ABTB2: variants seen among roughly 807,000 people sequenced by gnomAD.
ABTB2 encodes ankyrin repeat and BTB/POZ domain-containing protein 2.
Under a neutral mutation model 104.1 loss-of-function variants are expected in ABTB2, and 56 were observed. The ratio of observed to expected loss-of-function variants is 0.54; its 90% CI spans 0.43 to 0.67. The LOEUF is 0.67. Among genes scored for constraint, ABTB2 ranks in the 30% least tolerant of loss-of-function variants. The probability of loss-of-function intolerance (pLI) is 0.00; values close to 1 mark genes in which losing one functional copy is unlikely to be tolerated. For synonymous variants in ABTB2, 606 were observed against 608.2 expected (o/e 1.00, Z 0.05); for missense variants, 1,279 against 1,407.7 (o/e 0.91, Z 1.46).
intron 14 of ABTB2, among the ~76,000 whole-genome samples, chr11:34,155,634 C>T (rs1424425491): frequency 1.3e-5 from 2 of 152,252 alleles, no homozygotes; most frequent in East Asian, 1.9e-4. Flanking sequence ...CCTGAGGCTG[C>T]AGAGGCACCA....
intron 1 of ABTB2, among the ~76,000 whole-genome samples, chr11:34,250,426 A>G (rs1336489613): frequency 6.6e-6 from 1 of 152,214 alleles, no homozygotes; most frequent in Admixed American, 6.5e-5. Flanking sequence ...GTGACGATAA[A>G]TGTGAATCTT....
chr11:34,227,936 T>C (rs1853708848), intron 1 of ABTB2, among the ~76,000 whole-genome samples: 1 of 117,290 alleles, frequency 8.5e-6, no homozygotes, highest in African/African-American at 3.3e-5. Context: ...GGTTTCGCAA[T>C]GTTGGCCAGG....
At chr11:34,196,158 T>G (rs1853253869) in intron 3 of ABTB2, among the ~76,000 whole-genome samples, 1 of 152,184 alleles carries the variant, frequency 6.6e-6, no homozygotes, top group African/African-American at 2.4e-5. Context: ...CATGTGAGGC[T>G]CATGCCAGCA....
intron 14 of ABTB2, 45 bp downstream of exon 14, chr11:34,159,251 G>T (rs536898972): frequency 1.3e-6 from 2 of 1,496,018 alleles, no homozygotes; most frequent in Admixed American, 1.7e-5. Flanking sequence ...GCTCCTGGGG[G>T]AGGGTCATCC....
chr11:34,164,859 CAG>C, intron 8 of ABTB2, 38 bp from the exon 9 acceptor site: 5 of 1,569,144 alleles, frequency 3.2e-6, no homozygotes, highest in Non-Finnish European at 4.3e-6. Flanking sequence ...GACACTGAGA[CAG>C]TAGCCGCCAG....
intron 8 of ABTB2, 91 bp from the exon 9 acceptor site, chr11:34,164,912 A>G: frequency 2.1e-6 from 3 of 1,451,956 alleles, no homozygotes; most frequent in Non-Finnish European, 2.8e-6. Context: ...GGATTCTCGC[A>G]GCTCTGAGTG....
At chr11:34,197,890 C>T (rs1853282544) in intron 2 of ABTB2, among the ~76,000 whole-genome samples, 1 of 152,174 alleles carries the variant, frequency 6.6e-6, no homozygotes, top group Admixed American at 6.5e-5. Flanking sequence ...GGTCTCTCTT[C>T]CCAGCCTCTA....
At chr11:34,352,208 G>T (rs1418652872) in intron 1 of ABTB2, among the ~76,000 whole-genome samples, 1 of 152,142 alleles carries the variant, frequency 6.6e-6, no homozygotes, top group Non-Finnish European at 1.5e-5. Context: ...TTCTTTCTCA[G>T]CTCTAAGTGA....
intron 1 of ABTB2, among the ~76,000 whole-genome samples, chr11:34,324,724 C>A (rs977878556): frequency 3.3e-5 from 5 of 152,232 alleles, no homozygotes; most frequent in African/African-American, 1.2e-4. Flanking sequence ...CCTTTGGGGA[C>A]CGCTGGCTGT....
At chr11:34,347,814 C>T (rs1044830890) in intron 1 of ABTB2, among the ~76,000 whole-genome samples, 2 of 152,272 alleles carry the variant, frequency 1.3e-5, no homozygotes, top group South Asian at 4.1e-4. Context: ...GAGAATTGAG[C>T]TTTTATTGTC....
rs111373278 is a variant in ABTB2 at position 34,254,078 on chromosome 11, A to C, written c.884-49388T>G. On this transcript the variant is annotated intron_variant, in intron 1 of 16. Coordinates refer to ENST00000435224, the MANE Select transcript of ABTB2 (RefSeq NM_145804.3). ...CTTAAACGACTTAAGTCACTTGAGC[A>C]CTTATCAAGGCCAGATACTGAGTCA... 1.3e-3 allele frequency among the ~76,000 whole-genome samples: 195 copies of C among 152,322 alleles called. 3 individuals carry two copies. The highest frequency in any genetic ancestry group is 4.6e-3 in the African/African-American group (190 of 41,568).
At chr11:34,237,829 T>G (rs934581645) in intron 1 of ABTB2, among the ~76,000 whole-genome samples, 1 of 152,024 alleles carries the variant, frequency 6.6e-6, no homozygotes, top group Non-Finnish European at 1.5e-5. Context: ...AGGTGGGAAG[T>G]GGAAGTTGCA....
rs559199317 is a variant in ABTB2 at position 34,336,702 on chromosome 11, G to T, written c.883+19999C>A. On this transcript the variant is annotated intron_variant, in intron 1 of 16. Coordinates refer to ENST00000435224, the MANE Select transcript of ABTB2 (RefSeq NM_145804.3). ...AGCAGCTTACCTGCAGTTAGACCCG[G>T]GTTTGTTTCCAAAGCCCTTATTTCC... 5.5e-4 allele frequency among the ~76,000 whole-genome samples: 84 copies of T among 152,020 alleles called. No individual in the cohort carries two copies. The South Asian group carries it at 0.017, about 31-fold the overall frequency.
At chr11:34,309,670 A>T (rs113560984) in intron 1 of ABTB2, among the ~76,000 whole-genome samples, 108 of 149,328 alleles carry the variant, frequency 7.2e-4, no homozygotes, top group African/African-American at 1.6e-3. Flanking sequence ...AAAAAAAAAA[A>T]TTTTCAAAAC....
At chr11:34,300,792 C>T (rs929683338) in intron 1 of ABTB2, among the ~76,000 whole-genome samples, 1 of 152,120 alleles carries the variant, frequency 6.6e-6, no homozygotes, top group African/African-American at 2.4e-5. Context: ...TTGGAGCAAC[C>T]CACTAAGGAC....
intron 1 of ABTB2, among the ~76,000 whole-genome samples, chr11:34,265,661 GAA>G (rs1233763258): frequency 3.9e-5 from 1 of 25,654 alleles, no homozygotes; most frequent in Non-Finnish European, 9.0e-5. Context: ...TCTGTCTCAA[GAA>G]AAAAAAAAAA....
chr11:34,345,276 C>T (rs1246527781), intron 1 of ABTB2, among the ~76,000 whole-genome samples: 2 of 152,154 alleles, frequency 1.3e-5, no homozygotes, highest in African/African-American at 2.4e-5. Flanking sequence ...TTGAACCCAC[C>T]AGGAATGCTT....
At chr11:34,338,017 C>A (rs1311017435) in intron 1 of ABTB2, among the ~76,000 whole-genome samples, 1 of 151,932 alleles carries the variant, frequency 6.6e-6, no homozygotes, top group Non-Finnish European at 1.5e-5. Flanking sequence ...ATAAAATCCA[C>A]CCCCAGTGAT....
intron 1 of ABTB2, among the ~76,000 whole-genome samples, chr11:34,328,807 A>G (rs1269309645): frequency 6.6e-6 from 1 of 152,212 alleles, no homozygotes; most frequent in Non-Finnish European, 1.5e-5. Context: ...TTGGCCACTT[A>G]GCCATCCAGA....
Sources: gnomAD v4.1 joint callset for allele counts (sites outside exome capture counted in the v4.1 genomes callset) on GRCh38, gnomAD v4.1.1 for gene constraint, MANE v1.5 for transcripts, NCBI Gene and HGNC (gene_info 2026-07-23, HGNC 2026-07-21) for gene names.